The following ZNF222 variants were observed in gnomAD, a reference collection of about 807,000 sequenced individuals.
ZNF222 encodes zinc finger protein 222.
A neutral mutation model predicts 11.6 loss-of-function variants in ZNF222; 8 were observed. That is an observed-to-expected ratio of 0.69 (90% CI 0.41 to 1.25). The LOEUF is 1.25. Ranked by LOEUF, ZNF222 falls within the 50% of genes most tolerant of loss-of-function variation. The probability of loss-of-function intolerance (pLI) is 0.01; values close to 1 mark genes in which losing one functional copy is unlikely to be tolerated. For missense variants in ZNF222, 483 were observed against 576.1 expected (o/e 0.84, Z 1.65); for synonymous variants, 171 against 195.6 (o/e 0.87, Z 1.05).
chr19:44,027,376 A>T, intron 2 of ZNF222, 22 bp from the exon 3 acceptor site: 3 of 1,604,720 alleles, frequency 1.9e-6, no homozygotes, highest in Non-Finnish European at 2.6e-6. Context: ...GGGATTAAGC[A>T]TGTGACTTTG....
rs539326549 is a variant in ZNF222 at position 44,026,422 on chromosome 19, G to C, written c.43-601G>C. Among the ~76,000 whole-genome samples the C allele has an allele frequency of 2.0e-5, 3 of 152,218 alleles. No homozygotes were observed. The East Asian group carries it at 5.8e-4, about 29-fold the overall frequency. On this transcript the variant is annotated intron_variant, in intron 1 of 3. Transcript: ENST00000391960. ...AGGTGGAGAACGTAAGTTAGGACTT[G>C]ATTGAAGGCACCTTGAGGCAAGGCT...
chr19:44,026,038 A>T, intron 1 of ZNF222: 5 of 1,613,218 alleles, frequency 3.1e-6, no homozygotes, highest in Non-Finnish European at 4.2e-6. Context: ...CGACCTTTCT[A>T]AAAGAGCTGC....
At chr19:44,028,590 T>C (rs574473048) in intron 3 of ZNF222, among the ~76,000 whole-genome samples, 1 of 152,356 alleles carries the variant, frequency 6.6e-6, no homozygotes, top group South Asian at 2.1e-4. Context: ...TTGTGTCTCA[T>C]GTATTTTTGT....
At position 44,033,069 on chromosome 19, in the gene ZNF222, A is replaced by G. The variant is rs750045968; in HGVS notation, c.*39A>G. 3.9e-5 allele frequency: 56 copies of G among 1,440,524 alleles called. No homozygotes were observed. Among genetic ancestry groups the G allele is most frequent in the African/African-American group, 1.9e-4 (13 of 69,370 alleles). The allele number at this position is 1,440,524 out of a possible 1,614,324, so 89.2% of individuals were successfully genotyped here. A position where few individuals can be genotyped will look rare whatever the true frequency, so the allele number is the denominator to read the frequency against. On this transcript the variant is annotated 3_prime_UTR_variant, in exon 4 of 4. Coordinates refer to ENST00000391960, the MANE Select transcript of ZNF222 (RefSeq NM_001129996.2). ...ATGGAGTGTGAAATTTGATACATGT[A>G]TATAATGTGTGCTGATTAAATCAGT...
At chr19:44,029,177 G>GTTTTTTTTTTTTTTTTT (rs1568503536) in intron 3 of ZNF222, among the ~76,000 whole-genome samples, 2 of 125,914 alleles carry the variant, frequency 1.6e-5, no homozygotes, top group Admixed American at 8.2e-5. Flanking sequence ...ACAGTTGTTG[G>GTTTTTTTTTTTTTTTTT]TTTGTTTTGT....
Position 44,025,877 on chromosome 19 carries a change from G to T in ZNF222, c.42+399G>T. 1.3e-6 allele frequency: 1 copy of T among 744,912 alleles called. No individual in the cohort carries two copies. The highest frequency in any genetic ancestry group is 1.8e-5 in the African/African-American group (1 of 55,878). The allele number at this position is 744,912 out of a possible 1,614,324, so 46.1% of individuals were successfully genotyped here. ...TGGTGGGGTCAGAGCTCCAGCTGCAGGGGCGCCGGCCCTTCTGCCTGATCC... is the reference window on the plus strand; with the variant it reads ...TGGTGGGGTCAGAGCTCCAGCTGCATGGGCGCCGGCCCTTCTGCCTGATCC... On this transcript the variant is annotated intron_variant, in intron 1 of 3. Transcript: ENST00000391960. The surrounding 1 kb of genome is among the most constrained non-coding windows in gnomAD (Gnocchi z 4.6).
intron 3 of ZNF222, among the ~76,000 whole-genome samples, chr19:44,029,068 C>A (rs1032276229): frequency 4.0e-5 from 6 of 151,804 alleles, no homozygotes; most frequent in Non-Finnish European, 7.4e-5. Context: ...CTTTGTGGAA[C>A]TCTGTGGAAT....
chr19:44,029,683 A>T (rs539110411), intron 3 of ZNF222, among the ~76,000 whole-genome samples: 1 of 152,240 alleles, frequency 6.6e-6, no homozygotes, highest in Non-Finnish European at 1.5e-5. Context: ...ACGTGACAGC[A>T]TATTAAATAT....
At chr19:44,031,257 A>C (rs10416649) in intron 3 of ZNF222, among the ~76,000 whole-genome samples, 9,131 of 152,252 alleles carry the variant, frequency 0.06, 892 homozygotes, top group African/African-American at 0.21. Context: ...TTTTTAAATA[A>C]GTATTTTATT....
chr19:44,030,195 C>T (rs1599859818), intron 3 of ZNF222, among the ~76,000 whole-genome samples: 1 of 152,144 alleles, frequency 6.6e-6, no homozygotes, highest in African/African-American at 2.4e-5. Flanking sequence ...TTTCAGATTC[C>T]CCTCAGAACT....
Position 44,027,470 on chromosome 19 carries a change from G to A in ZNF222, c.242G>A (p.Ser81Asn), listed in dbSNP as rs370000724. The change falls in exon 3 of 4, where the codon AGC becomes AAC. Residue 81 changes from serine (S) to asparagine (N), a missense_variant. Transcript: ENST00000391960. Reference sequence around the variant, plus strand: ...AAGTTTTGGGTGATGGGGACAACAAGCCAAAGAGAAGGGAATTTGGGTAAG... The same window carrying A: ...AAGTTTTGGGTGATGGGGACAACAAACCAAAGAGAAGGGAATTTGGGTAAG... Reference protein sequence around the residue: ...EEKFWVMGTTSQREGNLGGKI... With the variant: ...EEKFWVMGTTNQREGNLGGKI... 4.4e-4 allele frequency: 717 copies of A among 1,613,908 alleles called. No individual in the cohort carries two copies. The highest frequency in any genetic ancestry group is 5.8e-4 in the Non-Finnish European group (688 of 1,179,976).
At chr19:44,026,075 G>A in intron 1 of ZNF222, 1 of 1,613,486 alleles carries the variant, frequency 6.2e-7, no homozygotes, top group Non-Finnish European at 8.5e-7. Flanking sequence ...GCTACTGATG[G>A]CAAAGCTCTA....
At chr19:44,026,425 T>C (rs1976362902) in intron 1 of ZNF222, among the ~76,000 whole-genome samples, 1 of 152,136 alleles carries the variant, frequency 6.6e-6, no homozygotes, top group Non-Finnish European at 1.5e-5. Flanking sequence ...AGGACTTGAT[T>C]GAAGGCACCT....
Position 44,032,937 on chromosome 19 carries a change from AG to A in ZNF222, c.1384del (p.Glu462LysfsTer17). 1 of 1,608,424 alleles carries A rather than the reference AG, an allele frequency of 6.2e-7. No homozygotes were observed. Among genetic ancestry groups the A allele is most frequent in the South Asian group, 1.1e-5 (1 of 89,448 alleles). Reference sequence around the variant, plus strand: ...AAGACCAACAAAGAGACCACAGTGGAGAAAACCCATCCAAATGTGAGGACTG... The same window carrying A: ...AAGACCAACAAAGAGACCACAGTGGAAAAACCCATCCAAATGTGAGGACTG... ...CKDQQRDHSGENPSKCEDCGK... is the reference protein window; with the variant it reads ...CKDQQRDHSGXNPSKCEDCGK... On this transcript the variant is annotated frameshift_variant, in exon 4 of 4. Coordinates refer to ENST00000391960, the MANE Select transcript of ZNF222 (RefSeq NM_001129996.2). LOFTEE classifies it low-confidence loss of function (END_TRUNC).
At chr19:44,028,864 C>G (rs563441571) in intron 3 of ZNF222, among the ~76,000 whole-genome samples, 6 of 152,140 alleles carry the variant, frequency 3.9e-5, no homozygotes, top group Non-Finnish European at 8.8e-5. Flanking sequence ...TTCCAGGACC[C>G]CCTTGTGGAT....
intron 3 of ZNF222, 101 bp downstream of exon 3, chr19:44,027,591 G>A (rs144485164): frequency 1.3e-5 from 14 of 1,106,750 alleles, no homozygotes; most frequent in Non-Finnish European, 1.9e-5. Flanking sequence ...CTGTTTCCTG[G>A]ATTATTACAG....
chr19:44,033,110 AC>A, downstream of ZNF222: 1 of 1,315,576 alleles, frequency 7.6e-7, no homozygotes, highest in Non-Finnish European at 9.9e-7. Context: ...TTCACCTGAA[AC>A]ATTATTTGTG....
intron 3 of ZNF222, among the ~76,000 whole-genome samples, chr19:44,029,882 G>T (rs1224797772): frequency 6.6e-6 from 1 of 152,208 alleles, no homozygotes; most frequent in Non-Finnish European, 1.5e-5. Context: ...ATATCTGTCA[G>T]TGTAACACGG....
At position 44,033,088 on chromosome 19, in the gene ZNF222, A is replaced by C. The variant is rs1976543525; in HGVS notation, c.*58A>C. The C allele has an allele frequency of 1.5e-6, 2 of 1,365,942 alleles. No homozygotes were observed. Among genetic ancestry groups the C allele is most frequent in the African/African-American group, 2.9e-5 (2 of 67,876 alleles). 84.6% of individuals were successfully genotyped at this position (1,365,942 alleles called of 1,614,324 possible). On this transcript the variant is annotated 3_prime_UTR_variant, in exon 4 of 4. Transcript: ENST00000391960. ...ACATGTATATAATGTGTGCTGATTA[A>C]ATCAGTTTAATTTCACCTGAAACAT...
Sources: allele counts gnomAD v4.1 joint callset (sites outside exome capture counted in the v4.1 genomes callset), GRCh38; gene constraint gnomAD v4.1.1; non-coding constraint Gnocchi (gnomAD v3.1); transcripts MANE v1.5; gene names NCBI Gene and HGNC (gene_info 2026-07-23, HGNC 2026-07-21).